ANK2: variants seen among roughly 807,000 people sequenced by gnomAD.
The protein encoded by ANK2 is ankyrin-2.
A neutral mutation model predicts 360.5 loss-of-function variants in ANK2; 83 were observed. That is an observed-to-expected ratio of 0.23 (90% CI 0.19 to 0.28). The LOEUF (loss-of-function observed/expected upper bound fraction) is 0.28. Among genes scored for constraint, ANK2 ranks in the 10% least tolerant of loss-of-function variants. The pLI, the probability that ANK2 is intolerant of heterozygous loss-of-function variation, is 1.00. For missense variants in ANK2, 4,201 were observed against 4,795.7 expected, an observed-to-expected ratio of 0.88 and a Z score of 3.66; for synonymous variants, 1,740 against 1,759.5, an observed-to-expected ratio of 0.99 and a Z score of 0.28.
intron 1 of ANK2, among the ~76,000 whole-genome samples, chr4:113,128,798 A>G (rs918241847): frequency 1.3e-5 from 2 of 152,110 alleles, no homozygotes; most frequent in South Asian, 2.1e-4. Context: ...TGTTTTTAAT[A>G]TATACACAGA....
intron 26 of ANK2, among the ~76,000 whole-genome samples, chr4:113,321,942 G>T (rs545472962): frequency 6.6e-6 from 1 of 152,110 alleles, no homozygotes; most frequent in South Asian, 2.1e-4. Context: ...CAGTTAGCCA[G>T]GCTGGTCTGG....
intron 4 of ANK2, among the ~76,000 whole-genome samples, chr4:113,215,437 T>G (rs969091602): frequency 6.6e-6 from 1 of 152,216 alleles, no homozygotes; most frequent in Non-Finnish European, 1.5e-5. Context: ...ATTATCTACT[T>G]AAGTTATTGA....
At chr4:112,788,250 T>C in the ANK2 span, 1 of 1,590,040 alleles carries the variant, frequency 6.3e-7, no homozygotes, top group Non-Finnish European at 8.5e-7. Context: ...AAAGCGCCTT[T>C]GTCTTCCGAG....
intron 2 of ANK2, among the ~76,000 whole-genome samples, chr4:112,973,436 C>T (rs1382961334): frequency 1.3e-5 from 2 of 152,190 alleles, no homozygotes; most frequent in Admixed American, 1.3e-4. Flanking sequence ...AGAGTTAAGT[C>T]TTTGACTGCA....
rs1293914341 is a variant in ANK2 at position 113,343,095 on chromosome 4, T to A, written c.4201T>A (p.Phe1401Ile). 2.5e-6 allele frequency: 4 copies of A among 1,613,718 alleles called. No individual in the cohort carries two copies. The highest frequency in any genetic ancestry group is 3.4e-6 in the Non-Finnish European group (4 of 1,179,770). Residue 1401 changes from phenylalanine to isoleucine, a missense_variant, in exon 34 of 46, where the codon TTC becomes ATC. By Grantham distance (21) the Phe-to-Ile change is conservative. Coordinates refer to ENST00000357077, the MANE Select transcript of ANK2 (RefSeq NM_001148.6). ...AACTAAAAGTGGCCAGCATCATATA[T>A]TCAGTTTTTTTGCCTTCAAAGAAAA... is the stretch of plus-strand genomic sequence containing the variant. ...PLTKSGQHHI[F>I]SFFAFKENRL...
chr4:113,162,930 A>G (rs1413228553), intron 1 of ANK2, among the ~76,000 whole-genome samples: 1 of 152,164 alleles, frequency 6.6e-6, no homozygotes, highest in Admixed American at 6.6e-5. Context: ...TCAACTATTT[A>G]TCATAAAATA....
intron 37 of ANK2, among the ~76,000 whole-genome samples, 193 bp from the exon 38 acceptor site, chr4:113,352,852 T>G (rs1190733737): frequency 2.0e-5 from 3 of 151,882 alleles, no homozygotes; most frequent in Non-Finnish European, 4.4e-5. Flanking sequence ...TTTCAGTTGT[T>G]TTTTTTTTCG....
intron 2 of ANK2, among the ~76,000 whole-genome samples, chr4:112,929,122 G>A (rs911318533): frequency 5.3e-5 from 8 of 152,072 alleles, no homozygotes; most frequent in Admixed American, 5.2e-4. Context: ...CAAAGTGCTG[G>A]GATTACAGGC....
At chr4:113,136,851 G>T (rs1457998595) in intron 1 of ANK2, among the ~76,000 whole-genome samples, 1 of 151,676 alleles carries the variant, frequency 6.6e-6, no homozygotes, top group Non-Finnish European at 1.5e-5. Context: ...CCGCCTCCCG[G>T]GTTCAAGTGG....
At chr4:112,763,148 C>T in the ANK2 span, among the ~76,000 whole-genome samples, 1 of 152,016 alleles carries the variant, frequency 6.6e-6, no homozygotes, top group East Asian at 1.9e-4. Context: ...AGCCTTGACG[C>T]CCCCAGGCTC....
intron 9 of ANK2, among the ~76,000 whole-genome samples, chr4:113,248,652 C>T (rs1480436181): frequency 2.6e-5 from 4 of 151,834 alleles, no homozygotes; most frequent in South Asian, 4.2e-4. Flanking sequence ...CAGAGTGTTG[C>T]GATTCAGAGG....
intron 4 of ANK2, among the ~76,000 whole-genome samples, chr4:113,212,093 C>A (rs1406184498): frequency 2.0e-5 from 3 of 152,158 alleles, no homozygotes; most frequent in African/African-American, 7.2e-5. Context: ...TCAGGCATTG[C>A]TTTCTTCATT....
chr4:112,906,311 G>A (rs2085184964), intron 2 of ANK2, among the ~76,000 whole-genome samples: 1 of 152,194 alleles, frequency 6.6e-6, no homozygotes, highest in Admixed American at 6.5e-5. Context: ...CAGTAGAGAA[G>A]CAGGGGTAGA....
chr4:113,360,133 A>G (rs899135312), intron 38 of ANK2, among the ~76,000 whole-genome samples: 1 of 152,224 alleles, frequency 6.6e-6, no homozygotes, highest in East Asian at 1.9e-4. Context: ...CTGCCTATCA[A>G]TCAGTGGGAG....
At chr4:113,317,900 C>T (rs1169766325) in intron 25 of ANK2, 91 bp downstream of exon 25, 16 of 1,048,140 alleles carry the variant, frequency 1.5e-5, no homozygotes, top group Non-Finnish European at 2.0e-5. Flanking sequence ...GTTTTTAATC[C>T]CCCCAAAATC....
Position 113,354,372 on chromosome 4 carries a change from C to T in ANK2, c.5754C>T (p.Pro1918=), listed in dbSNP as rs886039141. 6.2e-7 allele frequency: 1 copy of T among 1,614,056 alleles called. No individual in the cohort carries two copies. Among genetic ancestry groups the T allele is most frequent in the Non-Finnish European group, 8.5e-7 (1 of 1,179,966 alleles). The change falls in exon 38 of 46, where the codon CCC becomes CCT. Residue 1918 remains proline, a synonymous_variant. Transcript: ENST00000357077. ...GKTDKRPPVS[P]SGRTEKHPPV... Reference sequence around the variant, plus strand: ...CAGACAAACGTCCACCTGTATCGCCCTCCGGGAGGACAGAAAAACACCCGC... The same window carrying T: ...CAGACAAACGTCCACCTGTATCGCCTTCCGGGAGGACAGAAAAACACCCGC...
chr4:113,216,281 T>G (rs1291737358), intron 4 of ANK2, among the ~76,000 whole-genome samples: 1 of 152,216 alleles, frequency 6.6e-6, no homozygotes, highest in Non-Finnish European at 1.5e-5. Flanking sequence ...TACAGAATAC[T>G]CTCAGCAACC....
the ANK2 span, among the ~76,000 whole-genome samples, chr4:112,713,031 A>G: frequency 3.3e-5 from 5 of 152,258 alleles, no homozygotes; most frequent in Non-Finnish European, 4.4e-5. Context: ...CCTACCTTCA[A>G]TTCCTGATAG....
At chr4:112,863,231 T>A (rs1054417460) in intron 1 of ANK2, among the ~76,000 whole-genome samples, 1 of 152,096 alleles carries the variant, frequency 6.6e-6, no homozygotes, top group African/African-American at 2.4e-5. Flanking sequence ...GTCGGTGTGA[T>A]TATAAATATG....
Sources: gnomAD v4.1 joint callset for allele counts (sites outside exome capture counted in the v4.1 genomes callset) on GRCh38, gnomAD v4.1.1 for gene constraint, MANE v1.5 for transcripts, NCBI Gene and HGNC (gene_info 2026-07-23, HGNC 2026-07-21) for gene names.